Variants in ASTN2 observed in about 807,000 individuals in gnomAD.
ASTN2 encodes astrotactin 2.
ASTN2 carries 54 observed loss-of-function variants against 139.8 expected under a neutral mutation model. That is an observed-to-expected ratio of 0.39 (90% confidence interval 0.31 to 0.48). The LOEUF is 0.48. Among genes scored for constraint, ASTN2 ranks in the 20% least tolerant of loss-of-function variants. The pLI is 0.95. For synonymous variants in ASTN2, 756 were observed against 719.5 expected (o/e 1.05, Z -0.81); for missense variants, 1,565 against 1,725.1 (o/e 0.91, Z 1.64).
chr9:117,183,149 T>C (rs1451120333), intron 3 of ASTN2, among the ~76,000 whole-genome samples: 1 of 152,146 alleles, frequency 6.6e-6, no homozygotes, highest in Non-Finnish European at 1.5e-5. Flanking sequence ...TTGTGTTAAT[T>C]AAATTAGTAA....
At chr9:116,470,230 A>C (rs10817895) in intron 20 of ASTN2, among the ~76,000 whole-genome samples, 1 of 152,020 alleles carries the variant, frequency 6.6e-6, no homozygotes, top group Non-Finnish European at 1.5e-5. Flanking sequence ...AATAAAAAAA[A>C]TAAAAAGATT....
At chr9:117,060,585 C>CAGGCAGGA (rs373697206) in intron 5 of ASTN2, among the ~76,000 whole-genome samples, 3 of 132,450 alleles carry the variant, frequency 2.3e-5, no homozygotes, top group Admixed American at 7.6e-5. Flanking sequence ...GGAAAGAAGG[C>CAGGCAGGA]AGGAAGGAAG....
At chr9:116,439,142 A>G (rs577344194) in intron 22 of ASTN2, among the ~76,000 whole-genome samples, 1 of 149,296 alleles carries the variant, frequency 6.7e-6, no homozygotes, top group Admixed American at 6.7e-5. Context: ...TTAAGGGTAG[A>G]TGATGTTGGT....
chr9:116,511,830 C>T (rs1206847828), intron 19 of ASTN2, among the ~76,000 whole-genome samples: 1 of 152,068 alleles, frequency 6.6e-6, no homozygotes, highest in Non-Finnish European at 1.5e-5. Flanking sequence ...GTATGTATCT[C>T]TGTGGGATTG....
intron 16 of ASTN2, chr9:116,686,854 G>A: frequency 6.5e-7 from 1 of 1,548,348 alleles, no homozygotes; most frequent in Non-Finnish European, 8.7e-7. Context: ...CAGAACATGA[G>A]GCCAAAGCAC....
At chr9:117,221,627 T>C (rs200571328) in intron 2 of ASTN2, among the ~76,000 whole-genome samples, 1 of 69,998 alleles carries the variant, frequency 1.4e-5, no homozygotes, top group Non-Finnish European at 3.3e-5. Flanking sequence ...GTAATGTCCT[T>C]CTCTTCTCGT....
At chr9:116,742,114 G>A (rs1829110991) in intron 13 of ASTN2, among the ~76,000 whole-genome samples, 1 of 152,192 alleles carries the variant, frequency 6.6e-6, no homozygotes, top group Admixed American at 6.5e-5. Context: ...GTAAATCATT[G>A]TTTTGAAAAT....
chr9:117,078,338 G>A lies in ASTN2; in HGVS notation c.1276+17706C>T, dbSNP rs183190582. Among the ~76,000 whole-genome samples the A allele has an allele frequency of 1.1e-4, 17 of 152,050 alleles. No homozygotes were observed. In the East Asian group the frequency reaches 1.2e-3, roughly 10 times the overall value. On this transcript the variant is annotated intron_variant, in intron 5 of 22. Transcript: ENST00000313400. ...GTTTCCAGTTTTCCACCATTATTTC[G>A]TCAGGCATCTGTCTCTATATTTTTA...
At position 117,048,963 on chromosome 9, in the gene ASTN2, C is replaced by CTTT. The variant is rs372277811; in HGVS notation, c.1277-9001_1277-8999dup. Among the ~76,000 whole-genome samples, 387 of 89,016 alleles carry CTTT rather than the reference C, an allele frequency of 4.3e-3. 57 individuals are homozygous for CTTT. Among genetic ancestry groups the CTTT allele is most frequent in the Non-Finnish European group, 7.2e-3 (318 of 44,254 alleles). 58.4% of individuals were successfully genotyped at this position (89,016 alleles called of 152,430 possible). On this transcript the variant is annotated intron_variant, in intron 5 of 22. Transcript: ENST00000313400. Reference sequence around the variant, plus strand: ...GTGCGCTCTGATTCTTCATCCATTGCTTTTTTTTTTTTTTTTTGAGACGGA... The same window carrying CTTT: ...GTGCGCTCTGATTCTTCATCCATTGCTTTTTTTTTTTTTTTTTTTTGAGACGGA...
intron 2 of ASTN2, among the ~76,000 whole-genome samples, chr9:117,236,718 C>A (rs954390031): frequency 6.6e-6 from 1 of 152,160 alleles, no homozygotes; most frequent in Non-Finnish European, 1.5e-5. Flanking sequence ...ATCTGACTCC[C>A]AGCTCTACCA....
chr9:116,537,541 A>G (rs1851694545), intron 19 of ASTN2, among the ~76,000 whole-genome samples: 2 of 152,238 alleles, frequency 1.3e-5, no homozygotes, highest in Non-Finnish European at 2.9e-5. Flanking sequence ...AACTGTAAAC[A>G]TACAGTGAAG....
At chr9:116,894,041 T>C (rs1165036757) in intron 10 of ASTN2, among the ~76,000 whole-genome samples, 1 of 152,190 alleles carries the variant, frequency 6.6e-6, no homozygotes, top group Non-Finnish European at 1.5e-5. Flanking sequence ...AGAAAAGCAA[T>C]GACTAGCCTT....
At chr9:117,311,495 G>T (rs1219636806) in intron 1 of ASTN2, among the ~76,000 whole-genome samples, 1 of 152,192 alleles carries the variant, frequency 6.6e-6, no homozygotes, top group East Asian at 1.9e-4. Flanking sequence ...AGGGAGCATA[G>T]CCCATCCAGA....
At position 116,466,121 on chromosome 9, in the gene ASTN2, G is replaced by A. The variant is rs182349356; in HGVS notation, c.3497+21238C>T. 4.7e-4 allele frequency among the ~76,000 whole-genome samples: 72 copies of A among 152,302 alleles called. 1 individual carries two copies. The highest frequency in any genetic ancestry group is 4.4e-3 in the South Asian group (21 of 4,822). On this transcript the variant is annotated intron_variant, in intron 20 of 22. Coordinates refer to ENST00000313400, the MANE Select transcript of ASTN2 (RefSeq NM_001365068.1). ...TTTACATTCAGTGAACTTGCTGTTT[G>A]CGGGGAGGGTGGGAAGCGGGCTTTT... is the stretch of plus-strand genomic sequence containing the variant.
chr9:116,954,785 A>G (rs1785697657), intron 10 of ASTN2, among the ~76,000 whole-genome samples: 1 of 152,242 alleles, frequency 6.6e-6, no homozygotes, highest in Admixed American at 6.5e-5. Flanking sequence ...ACCACTCTGA[A>G]TAGTCTAATG....
rs369862143 is a variant in ASTN2 at position 116,698,012 on chromosome 9, G to A, written c.2806+27759C>T. Reference sequence around the variant, plus strand: ...TGCTAAAGATCATTGATACAGCTGGGCTCAGCGAGGCTGTGGGGCTGCTCA... The same window carrying A: ...TGCTAAAGATCATTGATACAGCTGGACTCAGCGAGGCTGTGGGGCTGCTCA... On this transcript the variant is annotated intron_variant, in intron 16 of 22. Coordinates refer to ENST00000313400, the MANE Select transcript of ASTN2 (RefSeq NM_001365068.1). The surrounding 1 kb of genome is among the most constrained non-coding windows in gnomAD (Gnocchi z 4.4). 2 of 1,613,946 alleles carry A rather than the reference G, an allele frequency of 1.2e-6. No individual in the cohort carries two copies. Among genetic ancestry groups the A allele is most frequent in the African/African-American group, 2.7e-5 (2 of 74,928 alleles).
At chr9:117,279,143 G>A (rs986594419) in intron 2 of ASTN2, among the ~76,000 whole-genome samples, 7 of 152,140 alleles carry the variant, frequency 4.6e-5, no homozygotes, top group Non-Finnish European at 2.9e-5. Flanking sequence ...ATGGTCCAGG[G>A]TCAGGCTTGC....
intron 6 of ASTN2, among the ~76,000 whole-genome samples, chr9:117,035,356 C>T (rs1056412647): frequency 6.6e-6 from 1 of 152,094 alleles, no homozygotes; most frequent in Admixed American, 6.6e-5. Context: ...TGTGCACTTT[C>T]CATCTGTGTT....
intron 5 of ASTN2, among the ~76,000 whole-genome samples, chr9:117,064,799 TAA>T (rs11321268): frequency 6.0e-5 from 9 of 149,452 alleles, no homozygotes; most frequent in African/African-American, 2.2e-4. Flanking sequence ...TCTATATACT[TAA>T]AAAAAAAAAT....
Sources: gnomAD v4.1 joint callset for allele counts (sites outside exome capture counted in the v4.1 genomes callset) on GRCh38, gnomAD v4.1.1 for gene constraint, Gnocchi (gnomAD v3.1) non-coding constraint, MANE v1.5 for transcripts, NCBI Gene and HGNC (gene_info 2026-07-23, HGNC 2026-07-21) for gene names.